MT4: variants seen among roughly 807,000 people sequenced by gnomAD.
MT4 encodes metallothionein-4.
A neutral mutation model predicts 9.5 loss-of-function variants in MT4; 11 were observed. That is an observed-to-expected ratio of 1.16 (90% CI 0.73 to 1.92). MT4 has a LOEUF of 1.92. Ranked by LOEUF, MT4 falls within the 30% of genes most tolerant of loss-of-function variation. The pLI is 0.00. For synonymous variants in MT4, 29 were observed against 24.6 expected (o/e 1.18, Z -0.53); for missense variants, 88 against 78.7 (o/e 1.12, Z -0.45).
chr16:56,567,614 C>A lies in MT4; in HGVS notation c.32-137C>A, dbSNP rs79460509. On this transcript the variant is annotated intron_variant, in intron 1 of 2. Coordinates refer to ENST00000219162, the MANE Select transcript of MT4 (RefSeq NM_032935.3). ...TTGACACTGGGTCGATGCTCAGCAG[C>A]CTTGTCACCCTCTTGTCCAGCCAGT... is the stretch of plus-strand genomic sequence containing the variant. 916 of 739,314 alleles carry A rather than the reference C, an allele frequency of 1.2e-3. 6 individuals are homozygous for A. In the African/African-American group the frequency reaches 0.013, roughly 11 times the overall value. The allele number at this position is 739,314 out of a possible 1,614,324, so 45.8% of individuals were successfully genotyped here.
Position 56,566,561 on chromosome 16 carries a change from AGAGAAAGG to A in MT4, c.32-1173_32-1166del, listed in dbSNP as rs758273827. On this transcript the variant is annotated intron_variant, in intron 1 of 2. Transcript: ENST00000219162. ...AGGAAAGAAGGAAAGAAACAAGGAG[AGAGAAAGG>A]GAGAAAGGGAGAAAGGAAGAGAGAG... 2.7e-3 allele frequency among the ~76,000 whole-genome samples: 406 copies of A among 148,438 alleles called. 3 individuals are homozygous for A. Among genetic ancestry groups the A allele is most frequent in the Middle Eastern group, 6.8e-3 (2 of 292 alleles).
At chr16:56,565,285 A>C in intron 1 of MT4, 126 bp downstream of exon 1, 1 of 1,027,700 alleles carries the variant, frequency 9.7e-7, no homozygotes, top group South Asian at 1.7e-5. Flanking sequence ...TCGTCCTGGG[A>C]GCCGACAGGT....
chr16:56,567,863 C>T (rs1208311019), intron 2 of MT4, 47 bp downstream of exon 2: 22 of 1,527,398 alleles, frequency 1.4e-5, no homozygotes, highest in Non-Finnish European at 2.0e-5. Flanking sequence ...TTAGAAAAGT[C>T]CAATCCAGGC....
intron 2 of MT4, 98 bp from the exon 3 acceptor site, chr16:56,568,742 AC>A (rs1371567488): frequency 1.2e-6 from 1 of 806,524 alleles, no homozygotes; most frequent in Admixed American, 2.5e-5. Context: ...CCTCATGCAC[AC>A]ACCCCTCTTT....
In MT4 at chr16:56,568,252, A is replaced by AG. The variant is rs1491542271; in HGVS notation, c.97+436_97+437insG. On this transcript the variant is annotated intron_variant, in intron 2 of 2. Transcript: ENST00000219162. ...GAAAGAAAGAAAGAAAGAAAGAAAG[A>AG]AAGAAAGAGAGAGAGAGAGAGAAAG... 3.7e-3 allele frequency among the ~76,000 whole-genome samples: 140 copies of AG among 37,850 alleles called. 6 individuals are homozygous for AG. Among genetic ancestry groups the AG allele is most frequent in the Middle Eastern group, 0.024 (2 of 84 alleles). 24.8% of individuals were successfully genotyped at this position (37,850 alleles called of 152,430 possible).
At chr16:56,568,263 G>GAA (rs1567330614) in intron 2 of MT4, among the ~76,000 whole-genome samples, 167 of 76,100 alleles carry the variant, frequency 2.2e-3, no homozygotes, top group East Asian at 0.014. Context: ...AAGAAAGAGA[G>GAA]AGAGAGAGAG....
intron 2 of MT4, among the ~76,000 whole-genome samples, chr16:56,568,253 AAGAAAGAGAGAGAG>A (rs1959572595): frequency 1.4e-5 from 1 of 69,196 alleles, no homozygotes; most frequent in African/African-American, 6.1e-5. Flanking sequence ...GAAAGAAAGA[AAGAAAGAGAGAGAG>A]AGAGAGAAAG....
chr16:56,568,459 G>C (rs1959583059), intron 2 of MT4, among the ~76,000 whole-genome samples: 1 of 152,024 alleles, frequency 6.6e-6, no homozygotes, highest in Non-Finnish European at 1.5e-5. Context: ...ACCTATGGCA[G>C]GTCTCTACCC....
At chr16:56,565,885 G>A (rs6499840) in intron 1 of MT4, among the ~76,000 whole-genome samples, 34,996 of 151,080 alleles carry the variant, frequency 0.23, 4,818 homozygotes, top group African/African-American at 0.37. Context: ...GCAACATAGC[G>A]AGACTCCATG....
chr16:56,568,191 G>A (rs1423348794), intron 2 of MT4, among the ~76,000 whole-genome samples: 2 of 122,908 alleles, frequency 1.6e-5, no homozygotes, highest in Non-Finnish European at 3.4e-5. Context: ...AAGGAAGGAA[G>A]GAAGGAAGAG....
In MT4 at chr16:56,568,249, A is replaced by AG. The variant is rs1567330579; in HGVS notation, c.97+433_97+434insG. Among the ~76,000 whole-genome samples the AG allele has an allele frequency of 2.0e-3, 91 of 45,026 alleles. 3 individuals carry two copies. The highest frequency in any genetic ancestry group is 5.5e-3 in the African/African-American group (67 of 12,140). 29.5% of individuals were successfully genotyped at this position (45,026 alleles called of 152,430 possible). A position where few individuals can be genotyped will look rare whatever the true frequency, so the allele number is the denominator to read the frequency against. ...AAAGAAAGAAAGAAAGAAAGAAAGA[A>AG]AGAAAGAAAGAGAGAGAGAGAGAGA... On this transcript the variant is annotated intron_variant, in intron 2 of 2. Coordinates refer to ENST00000219162, the MANE Select transcript of MT4 (RefSeq NM_032935.3).
At chr16:56,567,659 G>C in intron 1 of MT4, 92 bp from the exon 2 acceptor site, 2 of 1,202,330 alleles carry the variant, frequency 1.7e-6, no homozygotes, top group East Asian at 2.4e-5. Flanking sequence ...TATAGCCCAG[G>C]AGCCTTGCCA....
chr16:56,566,647 A>G (rs1200720008), intron 1 of MT4, among the ~76,000 whole-genome samples: 1 of 149,896 alleles, frequency 6.7e-6, no homozygotes, highest in African/African-American at 2.5e-5. Flanking sequence ...AGAGAGAAAG[A>G]GAAAAGAGAG....
At chr16:56,568,211 GAGAGAAAGAAAGAAAGAAAGAA>G (rs1355462939) in intron 2 of MT4, among the ~76,000 whole-genome samples, 1 of 57,824 alleles carries the variant, frequency 1.7e-5, no homozygotes, top group Non-Finnish European at 3.5e-5. Context: ...GAGAGAGAGA[GAGAGAAAGAAAGAAAGAAAGAA>G]AGAAAGAAAG....
chr16:56,568,267 G>GAAAGAA (rs1567330627), intron 2 of MT4, among the ~76,000 whole-genome samples: 45 of 68,552 alleles, frequency 6.6e-4, no homozygotes, highest in East Asian at 3.6e-3. Context: ...AAGAGAGAGA[G>GAAAGAA]AGAGAGAAAG....
At chr16:56,567,280 T>C (rs1418931914) in intron 1 of MT4, among the ~76,000 whole-genome samples, 3 of 151,986 alleles carry the variant, frequency 2.0e-5, no homozygotes, top group Non-Finnish European at 4.4e-5. Flanking sequence ...TGTCTTGGCC[T>C]CCCAAAGTGC....
At chr16:56,566,484 G>T (rs1438950324) in intron 1 of MT4, among the ~76,000 whole-genome samples, 1 of 151,328 alleles carries the variant, frequency 6.6e-6, no homozygotes, top group African/African-American at 2.4e-5. Flanking sequence ...TCCAGCCTGG[G>T]TGACAGGGCA....
intron 1 of MT4, 116 bp from the exon 2 acceptor site, chr16:56,567,635 C>A: frequency 1.1e-6 from 1 of 905,538 alleles, no homozygotes; most frequent in East Asian, 2.6e-5. Context: ...TCTTGTCCAG[C>A]CAGTCCCCAA....
At position 56,567,669 on chromosome 16, in the gene MT4, A is replaced by T. The variant is rs549303442; in HGVS notation, c.32-82A>T. 4.2e-4 allele frequency: 556 copies of T among 1,327,556 alleles called. 1 individual carries two copies. The highest frequency in any genetic ancestry group is 5.8e-4 in the Non-Finnish European group (539 of 923,200). 82.2% of individuals were successfully genotyped at this position (1,327,556 alleles called of 1,614,324 possible). A position where few individuals can be genotyped will look rare whatever the true frequency, so the allele number is the denominator to read the frequency against. On this transcript the variant is annotated intron_variant, in intron 1 of 2. Coordinates refer to ENST00000219162, the MANE Select transcript of MT4 (RefSeq NM_032935.3). The stretch of plus-strand genomic sequence containing the variant: ...AAGGATATAGCCCAGGAGCCTTGCC[A>T]CTCTGACAGTCGGCATCATGCCTTA...
Sources: gnomAD v4.1 joint callset for allele counts (sites outside exome capture counted in the v4.1 genomes callset) on GRCh38, gnomAD v4.1.1 for gene constraint, MANE v1.5 for transcripts, NCBI Gene and HGNC (gene_info 2026-07-23, HGNC 2026-07-21) for gene names.